The following ZBTB20 variants were observed in gnomAD, a reference collection of about 807,000 sequenced individuals.
ZBTB20 encodes the protein zinc finger and BTB domain containing 20.
ZBTB20 carries 9 observed loss-of-function variants against 56.9 expected under a neutral mutation model. That is an observed-to-expected ratio of 0.16 (90% CI 0.10 to 0.28). The LOEUF (loss-of-function observed/expected upper bound fraction) is 0.28, where lower values mean the gene tolerates loss of function less well. ZBTB20 is among the 10% of genes least tolerant of loss of function. The pLI is 1.00. For synonymous variants in ZBTB20, 417 were observed against 420.7 expected (o/e 0.99, Z 0.11); for missense variants, 655 against 1,003.0 (o/e 0.65, Z 4.69).
At chr3:114,413,800 T>C (rs1254818531) in intron 7 of ZBTB20, among the ~76,000 whole-genome samples, 1 of 152,128 alleles carries the variant, frequency 6.6e-6, no homozygotes, top group Admixed American at 6.6e-5. Flanking sequence ...TCAGGGAAGT[T>C]CAGAGACGAA....
At chr3:115,032,122 T>C (rs2080710622) in intron 2 of ZBTB20, among the ~76,000 whole-genome samples, 1 of 151,496 alleles carries the variant, frequency 6.6e-6, no homozygotes, top group Admixed American at 6.6e-5. Context: ...TCCTAATCCT[T>C]TAAAAATATT....
At chr3:114,688,042 C>A (rs928099436) in intron 6 of ZBTB20, 1 of 152,130 alleles carries the variant, frequency 6.6e-6, no homozygotes, top group Non-Finnish European at 1.5e-5. Context: ...CAAGCCTGGA[C>A]AACATGGTGA....
At chr3:114,646,625 A>G (rs1021018357) in intron 6 of ZBTB20, among the ~76,000 whole-genome samples, 22 of 152,252 alleles carry the variant, frequency 1.4e-4, no homozygotes, top group Non-Finnish European at 2.8e-4. Context: ...TAAAGAAAAC[A>G]AAAGTTTCAT....
At chr3:114,593,766 T>C (rs537123334) in intron 6 of ZBTB20, among the ~76,000 whole-genome samples, 1 of 152,332 alleles carries the variant, frequency 6.6e-6, no homozygotes, top group East Asian at 1.9e-4. Context: ...TAGTGTCTTT[T>C]GGAGCAAGGG....
intron 2 of ZBTB20, among the ~76,000 whole-genome samples, chr3:114,992,984 C>T (rs2078880832): frequency 1.3e-5 from 2 of 151,852 alleles, no homozygotes; most frequent in African/African-American, 4.8e-5. Flanking sequence ...TGGAAGGACC[C>T]AAGGCACTCA....
chr3:115,119,077 C>T (rs1295175773), intron 1 of ZBTB20, among the ~76,000 whole-genome samples: 1 of 151,896 alleles, frequency 6.6e-6, no homozygotes, highest in Non-Finnish European at 1.5e-5. Flanking sequence ...AAACAAGATC[C>T]CCACTTAACC....
chr3:114,499,558 C>T (rs767412833), intron 7 of ZBTB20, among the ~76,000 whole-genome samples: 45 of 152,218 alleles, frequency 3.0e-4, no homozygotes, highest in Middle Eastern at 3.2e-3. Context: ...GTGACTATCA[C>T]TACCTGTAGG....
intron 2 of ZBTB20, among the ~76,000 whole-genome samples, chr3:115,030,612 G>A (rs907142488): frequency 2.7e-5 from 4 of 150,902 alleles, no homozygotes; most frequent in Non-Finnish European, 4.5e-5. Flanking sequence ...AACACAAGAG[G>A]CATCAAACTG....
chr3:114,990,181 C>A (rs999801122), intron 2 of ZBTB20, among the ~76,000 whole-genome samples: 127 of 152,026 alleles, frequency 8.4e-4, no homozygotes, highest in Middle Eastern at 3.4e-3. Flanking sequence ...GTCTTGTGCC[C>A]GTTTTCAAAG....
intron 5 of ZBTB20, among the ~76,000 whole-genome samples, chr3:114,771,764 G>A (rs1272550976): frequency 1.3e-5 from 2 of 152,044 alleles, no homozygotes; most frequent in East Asian, 1.9e-4. Context: ...CTTTGTCCAC[G>A]TTTCCTTTTG....
intron 7 of ZBTB20, among the ~76,000 whole-genome samples, chr3:114,431,751 T>G (rs1026584700): frequency 1.3e-5 from 2 of 152,206 alleles, no homozygotes; most frequent in Non-Finnish European, 2.9e-5. Flanking sequence ...TTTGTCTAAT[T>G]TTTCCACAAT....
intron 3 of ZBTB20, among the ~76,000 whole-genome samples, chr3:114,957,967 TGAAAA>T (rs955325244): frequency 3.5e-4 from 54 of 152,172 alleles, no homozygotes; most frequent in African/African-American, 1.2e-3. Context: ...CAAAATGAAA[TGAAAA>T]GAACACAACA....
chr3:115,118,795 A>G (rs1022320876), intron 1 of ZBTB20, among the ~76,000 whole-genome samples: 1 of 133,662 alleles, frequency 7.5e-6, no homozygotes, highest in Non-Finnish European at 1.5e-5. Flanking sequence ...ATCTCCACTC[A>G]CTGCAAGCTC....
At chr3:114,633,203 A>G (rs962973587) in intron 6 of ZBTB20, among the ~76,000 whole-genome samples, 1 of 152,212 alleles carries the variant, frequency 6.6e-6, no homozygotes, top group Admixed American at 6.5e-5. Flanking sequence ...TGGCATGTTC[A>G]GAATGATGTT....
At chr3:114,360,442 TC>T (rs2081727348) in intron 10 of ZBTB20, among the ~76,000 whole-genome samples, 1 of 151,768 alleles carries the variant, frequency 6.6e-6, no homozygotes, top group African/African-American at 2.4e-5. Flanking sequence ...CCTCCTGGGT[TC>T]AAGTGATTCT....
intron 3 of ZBTB20, among the ~76,000 whole-genome samples, chr3:114,910,658 GTTTT>G (rs778612694): frequency 1.1e-4 from 17 of 151,812 alleles, no homozygotes; most frequent in Non-Finnish European, 2.1e-4. Flanking sequence ...CATATAAGTG[GTTTT>G]ATTTTCATTA....
chr3:114,557,670 T>C (rs1350349006), intron 6 of ZBTB20, among the ~76,000 whole-genome samples: 4 of 151,976 alleles, frequency 2.6e-5, no homozygotes, highest in Non-Finnish European at 5.9e-5. Context: ...TATAGTCTTA[T>C]AGAAGTGCCC....
chr3:114,446,764 T>C (rs1290588957), intron 7 of ZBTB20, among the ~76,000 whole-genome samples: 1 of 152,178 alleles, frequency 6.6e-6, no homozygotes, highest in African/African-American at 2.4e-5. Context: ...TTTCATCTCA[T>C]CCTCTCTATT....
At chr3:115,134,083 C>T (rs957000953) in intron 1 of ZBTB20, among the ~76,000 whole-genome samples, 4 of 152,122 alleles carry the variant, frequency 2.6e-5, no homozygotes, top group African/African-American at 9.7e-5. Context: ...ATTCTTTATA[C>T]TAACTTCTTA....
Sources: allele counts gnomAD v4.1 joint callset (sites outside exome capture counted in the v4.1 genomes callset), GRCh38; gene constraint gnomAD v4.1.1; transcripts MANE v1.5; gene names NCBI Gene and HGNC (gene_info 2026-07-23, HGNC 2026-07-21).